The following STK39 variants were observed in gnomAD, a reference collection of about 807,000 sequenced individuals.
STK39 encodes the protein serine/threonine kinase 39.
STK39 carries 20 observed loss-of-function variants against 77.8 expected under a neutral mutation model. The observed-to-expected ratio is 0.26, with a 90% CI of 0.18 to 0.37. The LOEUF (loss-of-function observed/expected upper bound fraction) is 0.37. Ranked by LOEUF, STK39 falls within the 10% of genes least tolerant of loss-of-function variation. The pLI is 1.00. For synonymous variants in STK39, 246 were observed against 234.1 expected (o/e 1.05, Z -0.47); for missense variants, 479 against 656.5 (o/e 0.73, Z 2.95).
chr2:167,961,609 C>A (rs999795720), intron 17 of STK39, among the ~76,000 whole-genome samples: 3 of 152,098 alleles, frequency 2.0e-5, no homozygotes, highest in Admixed American at 6.5e-5. Flanking sequence ...AAACTCAAAG[C>A]ACATAATAGT....
intron 1 of STK39, among the ~76,000 whole-genome samples, chr2:168,223,355 C>G (rs1267200577): frequency 6.6e-6 from 1 of 151,670 alleles, no homozygotes; most frequent in African/African-American, 2.4e-5. Context: ...ACTAAAAATA[C>G]TAAAAAATTA....
At chr2:168,041,324 A>G (rs188308807) in intron 14 of STK39, among the ~76,000 whole-genome samples, 14 of 151,592 alleles carry the variant, frequency 9.2e-5, no homozygotes, top group South Asian at 2.1e-4. Context: ...AAAGTTCCAA[A>G]GGATACACAA....
At chr2:168,207,586 C>A (rs1341279419) in intron 1 of STK39, among the ~76,000 whole-genome samples, 1 of 152,158 alleles carries the variant, frequency 6.6e-6, no homozygotes, top group Non-Finnish European at 1.5e-5. Flanking sequence ...AAAGTGATTT[C>A]TGAGTTCCAT....
At chr2:168,049,341 T>C (rs998877704) in intron 14 of STK39, among the ~76,000 whole-genome samples, 5 of 152,202 alleles carry the variant, frequency 3.3e-5, no homozygotes, top group Non-Finnish European at 7.3e-5. Context: ...TTGCCTCCTG[T>C]CACCCAAAAG....
chr2:168,126,730 C>T lies in STK39; in HGVS notation c.1089+2811G>A, dbSNP rs182106357. ...CTATGAATGAGAAATGAGCCATGATCGATGCTGTCCCGGGCAGAGTATGTC... is the reference window on the plus strand; with the variant it reads ...CTATGAATGAGAAATGAGCCATGATTGATGCTGTCCCGGGCAGAGTATGTC... On this transcript the variant is annotated intron_variant, in intron 10 of 17. Transcript: ENST00000355999. 3.3e-5 allele frequency among the ~76,000 whole-genome samples: 5 copies of T among 152,186 alleles called. No individual in the cohort carries two copies. The East Asian group carries it at 7.7e-4, about 23-fold the overall frequency.
chr2:168,165,063 AG>A (rs988993339), intron 3 of STK39, among the ~76,000 whole-genome samples: 2 of 152,132 alleles, frequency 1.3e-5, no homozygotes, highest in African/African-American at 4.8e-5. Flanking sequence ...TTTTCCCCAG[AG>A]GAAAAAAAAA....
chr2:168,047,930 T>A (rs1486962850), intron 14 of STK39, among the ~76,000 whole-genome samples: 1 of 152,204 alleles, frequency 6.6e-6, no homozygotes, highest in Non-Finnish European at 1.5e-5. Flanking sequence ...ATATTTCCTT[T>A]TGGAGATTAA....
Position 167,980,511 on chromosome 2 carries a change from T to A in STK39, c.1499-15785A>T, listed in dbSNP as rs568826005. ...ATTAATGAGATAGTAAATCTACGGA[T>A]ATGAGGAATGCTACCTAAATTATGG... On this transcript the variant is annotated intron_variant, in intron 16 of 17. Transcript: ENST00000355999. Among the ~76,000 whole-genome samples, 22 of 152,296 alleles carry A rather than the reference T, an allele frequency of 1.4e-4. No individual in the cohort carries two copies. The South Asian group carries it at 4.6e-3, about 32-fold the overall frequency.
intron 8 of STK39, 41 bp from the exon 9 acceptor site, chr2:168,129,799 C>T (rs1687633450): frequency 1.2e-6 from 2 of 1,603,278 alleles, no homozygotes; most frequent in Non-Finnish European, 1.7e-6. Flanking sequence ...ACAATGACCA[C>T]TTAATAAATG....
chr2:167,985,721 C>T (rs1683540223), intron 16 of STK39, among the ~76,000 whole-genome samples: 1 of 152,060 alleles, frequency 6.6e-6, no homozygotes, highest in African/African-American at 2.4e-5. Flanking sequence ...ATATGCATTA[C>T]TATTACTAAT....
In STK39 at chr2:168,182,184, C is replaced by A. The variant is rs929232353; in HGVS notation, c.209-94G>T. ...TCCTAAAGATCAATTTTTTTAAACT[C>A]TTCTACTCAGCGTATTCAGAACATT... is the stretch of plus-strand genomic sequence containing the variant. On this transcript the variant is annotated intron_variant, in intron 1 of 17. Coordinates refer to ENST00000355999, the MANE Select transcript of STK39 (RefSeq NM_013233.3). 4 of 942,130 alleles carry A rather than the reference C, an allele frequency of 4.2e-6. No individual in the cohort carries two copies. The African/African-American group carries it at 4.9e-5, about 11-fold the overall frequency. 58.4% of individuals were successfully genotyped at this position (942,130 alleles called of 1,614,324 possible). A position where few individuals can be genotyped will look rare whatever the true frequency, so the allele number is the denominator to read the frequency against.
intron 1 of STK39, among the ~76,000 whole-genome samples, chr2:168,219,335 C>T (rs1296525706): frequency 2.0e-5 from 3 of 152,006 alleles, no homozygotes. Context: ...AGATACTTTC[C>T]ACATACACTT....
intron 1 of STK39, among the ~76,000 whole-genome samples, chr2:168,207,485 G>A (rs746326220): frequency 3.9e-5 from 6 of 152,152 alleles, no homozygotes; most frequent in African/African-American, 7.2e-5. Flanking sequence ...CAATGCAGAA[G>A]ATACAGCAAT....
At chr2:168,188,695 C>T (rs1231878164) in intron 1 of STK39, among the ~76,000 whole-genome samples, 1 of 152,180 alleles carries the variant, frequency 6.6e-6, no homozygotes, top group Non-Finnish European at 1.5e-5. Context: ...CACCATCCTC[C>T]TCGTCTTACT....
intron 1 of STK39, among the ~76,000 whole-genome samples, chr2:168,217,510 T>C (rs1341390761): frequency 1.3e-5 from 2 of 152,230 alleles, no homozygotes; most frequent in African/African-American, 4.8e-5. Flanking sequence ...ATCCGATCCT[T>C]GGCCCCACTT....
chr2:168,086,925 G>C (rs1196822298), intron 10 of STK39, among the ~76,000 whole-genome samples: 2 of 152,216 alleles, frequency 1.3e-5, no homozygotes, highest in Non-Finnish European at 2.9e-5. Context: ...TTCCCCAAGT[G>C]AGGGCAACAA....
chr2:167,971,621 A>T (rs1195630501), intron 16 of STK39, among the ~76,000 whole-genome samples: 1 of 152,216 alleles, frequency 6.6e-6, no homozygotes. Flanking sequence ...GGCTCTTACT[A>T]AAGGTAACTT....
intron 10 of STK39, among the ~76,000 whole-genome samples, chr2:168,090,590 G>A (rs566725272): frequency 1.3e-5 from 2 of 152,316 alleles, no homozygotes; most frequent in South Asian, 4.1e-4. Context: ...CTGTGAACCA[G>A]CACTCAACAC....
At chr2:168,179,972 C>T (rs1471069508) in intron 2 of STK39, among the ~76,000 whole-genome samples, 2 of 152,012 alleles carry the variant, frequency 1.3e-5, no homozygotes, top group African/African-American at 2.4e-5. Flanking sequence ...CAAGTACACG[C>T]AAGCCTTACA....
Sources: allele counts gnomAD v4.1 joint callset (sites outside exome capture counted in the v4.1 genomes callset), GRCh38; gene constraint gnomAD v4.1.1; transcripts MANE v1.5; gene names NCBI Gene and HGNC (gene_info 2026-07-23, HGNC 2026-07-21).